The following PDIA5 variants were observed in gnomAD, a reference collection of about 807,000 sequenced individuals.
The protein encoded by PDIA5 is protein disulfide-isomerase A5.
PDIA5 carries 58 observed loss-of-function variants against 77.6 expected under a neutral mutation model. The observed-to-expected ratio is 0.75, with a 90% CI of 0.61 to 0.93. The LOEUF is 0.93. Among genes scored for constraint, PDIA5 ranks in the 40% least tolerant of loss-of-function variants. The pLI is 0.00. For missense variants in PDIA5, 630 were observed against 647.7 expected (o/e 0.97, Z 0.30); for synonymous variants, 250 against 252.1 (o/e 0.99, Z 0.08).
chr3:123,089,784 TG>T (rs1934237003), intron 2 of PDIA5, among the ~76,000 whole-genome samples: 1 of 152,218 alleles, frequency 6.6e-6, no homozygotes, highest in African/African-American at 2.4e-5. Flanking sequence ...TGTCCTGCTC[TG>T]GGGTCAGATG....
chr3:123,068,042 G>T (rs1361591682), intron 1 of PDIA5, among the ~76,000 whole-genome samples: 1 of 152,186 alleles, frequency 6.6e-6, no homozygotes, highest in Non-Finnish European at 1.5e-5. Context: ...GAATGGGTGT[G>T]CCTGCCGGCC....
chr3:123,102,539 G>C (rs531006610), intron 4 of PDIA5, 45 bp downstream of exon 4: 1 of 1,332,238 alleles, frequency 7.5e-7, no homozygotes, highest in Non-Finnish European at 1.1e-6. Context: ...AGTGCCAAAT[G>C]CTTTCATTGG....
intron 6 of PDIA5, among the ~76,000 whole-genome samples, chr3:123,108,529 C>T (rs1199247214): frequency 4.6e-5 from 7 of 150,846 alleles, no homozygotes; most frequent in African/African-American, 1.7e-4. Context: ...ATCCACCCGC[C>T]TCGGCCTCCC....
At chr3:123,113,032 A>G (rs1576448395) in intron 7 of PDIA5, among the ~76,000 whole-genome samples, 1 of 152,262 alleles carries the variant, frequency 6.6e-6, no homozygotes, top group East Asian at 1.9e-4. Flanking sequence ...CCTTCTCTTT[A>G]TTAATGTTCA....
intron 13 of PDIA5, among the ~76,000 whole-genome samples, chr3:123,149,862 C>T (rs1221046602): frequency 2.0e-5 from 3 of 152,060 alleles, no homozygotes; most frequent in African/African-American, 2.4e-5. Context: ...AGATAATGAA[C>T]GATCATGTAG....
At chr3:123,081,910 G>T (rs537709657) in intron 1 of PDIA5, among the ~76,000 whole-genome samples, 2 of 152,338 alleles carry the variant, frequency 1.3e-5, no homozygotes, top group East Asian at 3.9e-4. Context: ...TTAGTCTGAT[G>T]GAGATGCTGG....
chr3:123,147,432 A>T (rs1191552675), intron 13 of PDIA5, among the ~76,000 whole-genome samples: 1 of 152,168 alleles, frequency 6.6e-6, no homozygotes, highest in East Asian at 1.9e-4. Context: ...ATACGGTCTG[A>T]GCTACTTTGT....
intron 1 of PDIA5, among the ~76,000 whole-genome samples, chr3:123,087,868 T>G (rs762994924): frequency 6.6e-6 from 1 of 152,164 alleles, no homozygotes; most frequent in Non-Finnish European, 1.5e-5. Flanking sequence ...CAATTGAGGA[T>G]CTCCAAATCA....
chr3:123,146,304 G>T, intron 13 of PDIA5, 45 bp downstream of exon 13: 1 of 1,544,348 alleles, frequency 6.5e-7, no homozygotes, highest in Non-Finnish European at 8.9e-7. Context: ...GCCAGCTGGC[G>T]GCCCCTGGAG....
Position 123,143,981 on chromosome 3 carries a change from G to A in PDIA5, c.911-1541G>A, listed in dbSNP as rs114742007. On this transcript the variant is annotated intron_variant, in intron 11 of 16. Transcript: ENST00000316218. Reference sequence around the variant, plus strand: ...CAGTTAAGTGGGGAGTAGCCACTCCGGGGTCCCTTGTCCCTGGGAGGGACA... The same window carrying A: ...CAGTTAAGTGGGGAGTAGCCACTCCAGGGTCCCTTGTCCCTGGGAGGGACA... Among the ~76,000 whole-genome samples, 1,411 of 152,272 alleles carry A rather than the reference G, an allele frequency of 9.3e-3. 25 individuals carry two copies. Among genetic ancestry groups the A allele is most frequent in the African/African-American group, 0.031 (1,268 of 41,546 alleles).
intron 11 of PDIA5, among the ~76,000 whole-genome samples, chr3:123,143,712 T>G (rs959360523): frequency 6.6e-6 from 1 of 152,206 alleles, no homozygotes; most frequent in Non-Finnish European, 1.5e-5. Flanking sequence ...GGTGCCTGTA[T>G]ACCCAGCAGT....
intron 13 of PDIA5, among the ~76,000 whole-genome samples, chr3:123,149,153 G>A (rs773111335): frequency 3.9e-5 from 6 of 152,210 alleles, no homozygotes; most frequent in Non-Finnish European, 5.9e-5. Flanking sequence ...AGACTGATTT[G>A]GGAGGAGGAG....
intron 1 of PDIA5, among the ~76,000 whole-genome samples, chr3:123,068,745 G>C (rs1303551172): frequency 3.3e-5 from 5 of 152,242 alleles, no homozygotes. Context: ...TGGGCGGAGA[G>C]CAAAACACAC....
chr3:123,121,028 C>T (rs1935103054), intron 8 of PDIA5, among the ~76,000 whole-genome samples: 1 of 152,192 alleles, frequency 6.6e-6, no homozygotes, highest in Non-Finnish European at 1.5e-5. Context: ...GGGAGCTCTC[C>T]GTCACTTCCT....
intron 10 of PDIA5, 50 bp downstream of exon 10, chr3:123,124,393 A>G (rs781226878): frequency 8.1e-6 from 11 of 1,362,440 alleles, no homozygotes; most frequent in South Asian, 7.0e-5. Context: ...AGGGCGGGGC[A>G]TCTGCCGGGC....
chr3:123,146,182 G>A lies in PDIA5; in HGVS notation c.1065G>A (p.Leu355=). The A allele has an allele frequency of 6.2e-7, 1 of 1,614,088 alleles. No individual in the cohort carries two copies. The highest frequency in any genetic ancestry group is 8.5e-7 in the Non-Finnish European group (1 of 1,179,924). Residue 355 remains leucine, a synonymous_variant, in exon 13 of 17, where the codon TTG becomes TTA. Coordinates refer to ENST00000316218, the MANE Select transcript of PDIA5 (RefSeq NM_006810.4). ...ERFHISEFPT[L]KYFKNGEKYA... ...TCCACATCTCAGAGTTTCCTACGTT[G>A]AAGTATTTTAAGAATGGAGAGAAAT...
At chr3:123,140,391 C>T (rs564135410) in intron 11 of PDIA5, among the ~76,000 whole-genome samples, 6 of 152,120 alleles carry the variant, frequency 3.9e-5, no homozygotes, top group African/African-American at 1.4e-4. Context: ...AAATATACCC[C>T]GGCTGCCCTT....
chr3:123,095,749 C>CAAAA (rs61654925), intron 3 of PDIA5, among the ~76,000 whole-genome samples: 83 of 86,706 alleles, frequency 9.6e-4, no homozygotes, highest in South Asian at 3.1e-3. Context: ...AACTCTGTCT[C>CAAAA]AAAAAAAAAA....
intron 3 of PDIA5, 69 bp downstream of exon 3, chr3:123,092,511 G>T: frequency 9.3e-7 from 1 of 1,074,746 alleles, no homozygotes; most frequent in Admixed American, 1.7e-5. Context: ...GATTGGTGGG[G>T]ACAGGAACTG....
Sources: gnomAD v4.1 joint callset for allele counts (sites outside exome capture counted in the v4.1 genomes callset) on GRCh38, gnomAD v4.1.1 for gene constraint, MANE v1.5 for transcripts, NCBI Gene and HGNC (gene_info 2026-07-23, HGNC 2026-07-21) for gene names.